NEK5: variants seen among roughly 807,000 people sequenced by gnomAD.
NEK5 encodes serine/threonine-protein kinase Nek5.
A neutral mutation model predicts 109.2 loss-of-function variants in NEK5; 88 were observed. The observed-to-expected ratio is 0.81, with a 90% CI of 0.68 to 0.96. NEK5 has a LOEUF of 0.96. NEK5 is among the 40% of genes least tolerant of loss of function. The pLI is 0.00. For missense variants in NEK5, 834 were observed against 920.7 expected, an observed-to-expected ratio of 0.91 and a Z score of 1.22; for synonymous variants, 283 against 299.9, an observed-to-expected ratio of 0.94 and a Z score of 0.58.
Position 52,050,168 on chromosome 13 carries a change from C to T in NEK5, c.2164G>A (p.Glu722Lys), listed in dbSNP as rs1374456193. 2.0e-6 allele frequency: 2 copies of T among 985,708 alleles called. No homozygotes were observed. Among genetic ancestry groups the T allele is most frequent in the African/African-American group, 3.5e-5 (2 of 57,246 alleles). The allele number at this position is 985,708 out of a possible 1,614,324, so 61.1% of individuals were successfully genotyped here. The change falls in exon 23 of 24, where the codon GAA becomes AAA. Residue 722 changes from glutamate (E) to lysine (K), a missense_variant. Physicochemically the swap from Glu to Lys is moderately conservative, Grantham distance 56. Around this residue, in one of 2 missense-constraint regions of NEK5, gnomAD observed 57 missense variants for 96.0 expected, o/e 0.59. Transcript: ENST00000684899. ...LPKEEDEGKV[E>K]MVSGIEVDEE... ...TCTACTTCAATGCCAGAGACCATTT[C>T]TACCTTCCCTTCATCTTCTTCTTTG...
intron 22 of NEK5, among the ~76,000 whole-genome samples, chr13:52,060,106 A>G (rs969196396): frequency 6.6e-6 from 1 of 152,102 alleles, no homozygotes; most frequent in African/African-American, 2.4e-5. Flanking sequence ...TATCTAGATC[A>G]TCTCCAAATA....
At chr13:52,043,018 A>G (rs1341825322) in intron 23 of NEK5, among the ~76,000 whole-genome samples, 1 of 152,116 alleles carries the variant, frequency 6.6e-6, no homozygotes, top group Non-Finnish European at 1.5e-5. Flanking sequence ...AACTACATGC[A>G]CTTTATAAGA....
intron 20 of NEK5, among the ~76,000 whole-genome samples, chr13:52,066,076 C>G (rs1411651085): frequency 6.6e-6 from 1 of 151,912 alleles, no homozygotes; most frequent in African/African-American, 2.4e-5. Flanking sequence ...TTTTTCCCTT[C>G]TGCATATGGT....
At chr13:52,095,927 C>A (rs76877881) in intron 12 of NEK5, among the ~76,000 whole-genome samples, 9 of 152,106 alleles carry the variant, frequency 5.9e-5, no homozygotes, top group Admixed American at 1.3e-4. Flanking sequence ...TGTTGGGAGA[C>A]GAGGCCTGGT....
intron 22 of NEK5, among the ~76,000 whole-genome samples, chr13:52,053,066 T>A (rs767067859): frequency 6.6e-6 from 1 of 152,096 alleles, no homozygotes; most frequent in Non-Finnish European, 1.5e-5. Context: ...TTTGGGAGGC[T>A]GAGGCAGGTG....
At position 52,076,081 on chromosome 13, in the gene NEK5, T is replaced by C. The variant is rs768917327; in HGVS notation, c.1635A>G (p.Glu545=). ...LQNTKESKNP[E]QKYKAKKGVK... is the part of the protein sequence containing the mutation. The stretch of plus-strand genomic sequence containing the variant: ...TTCTTACCTTAGCTTTATATTTCTG[T>C]TCTGGATTTTTACTTTCCTTTGTGT... Residue 545 remains glutamate, a synonymous_variant, in exon 18 of 24, where the codon GAA becomes GAG. Coordinates refer to ENST00000684899, the MANE Select transcript of NEK5 (RefSeq NM_001365552.1). The C allele has an allele frequency of 1.3e-6, 2 of 1,597,340 alleles. No homozygotes were observed. Among genetic ancestry groups the C allele is most frequent in the Non-Finnish European group, 1.7e-6 (2 of 1,168,120 alleles).
At position 52,083,281 on chromosome 13, in the gene NEK5, A is replaced by G. The variant is rs772498317; in HGVS notation, c.1551T>C (p.Ser517=). The change falls in exon 17 of 24, where the codon TCT becomes TCC. Residue 517 remains serine, a synonymous_variant. Transcript: ENST00000684899. ...KSNLPVHQDA[S]EGEAPVQDIE... is the part of the protein sequence containing the mutation. Reference sequence around the variant, plus strand: ...TTACCTGCACAGGTGCTTCTCCCTCAGATGCATCTTGATGGACAGGCAGGT... The same window carrying G: ...TTACCTGCACAGGTGCTTCTCCCTCGGATGCATCTTGATGGACAGGCAGGT... The G allele has an allele frequency of 8.1e-6, 13 of 1,610,176 alleles. No individual in the cohort carries two copies. The East Asian group carries it at 2.5e-4, about 30-fold the overall frequency.
intron 13 of NEK5, among the ~76,000 whole-genome samples, chr13:52,092,817 C>G (rs987965141): frequency 2.0e-5 from 3 of 152,118 alleles, no homozygotes; most frequent in African/African-American, 7.2e-5. Flanking sequence ...ACTCAGAAGG[C>G]AGAGGTTGCA....
chr13:52,108,272 C>G (rs765784056), intron 8 of NEK5, 46 bp downstream of exon 8: 2 of 1,023,104 alleles, frequency 2.0e-6, no homozygotes. Flanking sequence ...TCAGTGTCAT[C>G]CATCAGATTT....
Position 52,036,703 on chromosome 13 carries a change from T to G in NEK5, c.*245A>C, listed in dbSNP as rs1361787136. On this transcript the variant is annotated 3_prime_UTR_variant, in exon 24 of 24. Transcript: ENST00000684899. ...GACTGGTCTCAAACTCCTGACCTCATGATCTGCCTGCCTTGGCCTCCCAAA... is the reference window on the plus strand; with the variant it reads ...GACTGGTCTCAAACTCCTGACCTCAGGATCTGCCTGCCTTGGCCTCCCAAA... The G allele has an allele frequency of 2.0e-5, 3 of 152,722 alleles. No individual in the cohort carries two copies. Among genetic ancestry groups the G allele is most frequent in the Non-Finnish European group, 4.4e-5 (3 of 68,502 alleles). The allele number at this position is 152,722 out of a possible 1,614,324, so 9.5% of individuals were successfully genotyped here. A position where few individuals can be genotyped will look rare whatever the true frequency, so the allele number is the denominator to read the frequency against.
At chr13:52,063,730 G>A (rs530206966) in intron 21 of NEK5, among the ~76,000 whole-genome samples, 1,641 of 149,164 alleles carry the variant, frequency 0.011, 32 homozygotes, top group African/African-American at 0.038. Context: ...CCGCGACCCC[G>A]TCTGGGAGGT....
intron 13 of NEK5, among the ~76,000 whole-genome samples, chr13:52,091,904 C>T (rs1955291476): frequency 6.6e-6 from 1 of 151,950 alleles, no homozygotes; most frequent in African/African-American, 2.4e-5. Flanking sequence ...ACATAAATGC[C>T]GAATGAAATA....
chr13:52,099,618 C>T (rs889397766), intron 12 of NEK5, 125 bp downstream of exon 12: 45 of 973,112 alleles, frequency 4.6e-5, no homozygotes, highest in Non-Finnish European at 6.2e-5. Flanking sequence ...TGCGGTGAGC[C>T]GAGATCGCGC....
intron 19 of NEK5, among the ~76,000 whole-genome samples, chr13:52,075,267 T>C (rs930361205): frequency 1.3e-5 from 2 of 152,180 alleles, no homozygotes; most frequent in Non-Finnish European, 2.9e-5. Flanking sequence ...GTGGTACATA[T>C]ACACCATGGG....
chr13:52,073,970 T>C (rs1482768348), intron 19 of NEK5, among the ~76,000 whole-genome samples: 6 of 152,088 alleles, frequency 3.9e-5, no homozygotes, highest in Non-Finnish European at 7.4e-5. Context: ...CAGAAAGAAA[T>C]CATACATGAC....
At chr13:52,078,500 G>C (rs1328257928) in intron 17 of NEK5, among the ~76,000 whole-genome samples, 2 of 152,122 alleles carry the variant, frequency 1.3e-5, no homozygotes, top group East Asian at 1.9e-4. Flanking sequence ...TGATTGTGGT[G>C]ATGGGTTTCA....
At chr13:52,102,478 A>C (rs1179926190) in intron 9 of NEK5, among the ~76,000 whole-genome samples, 186 bp from the exon 10 acceptor site, 1 of 152,232 alleles carries the variant, frequency 6.6e-6, no homozygotes, top group Non-Finnish European at 1.5e-5. Context: ...ACTTGAGCCC[A>C]GGAGTTCAAG....
At chr13:52,103,413 A>G (rs1295370001) in intron 9 of NEK5, among the ~76,000 whole-genome samples, 1 of 152,236 alleles carries the variant, frequency 6.6e-6, no homozygotes, top group Non-Finnish European at 1.5e-5. Context: ...TCTGGGCAAC[A>G]GAGCGGGACT....
chr13:52,068,063 C>T (rs1295458006), intron 20 of NEK5, among the ~76,000 whole-genome samples: 1 of 152,020 alleles, frequency 6.6e-6, no homozygotes, highest in Non-Finnish European at 1.5e-5. Context: ...ACTAGGAGAA[C>T]AGGGTGGAGC....
Sources: allele counts gnomAD v4.1 joint callset (sites outside exome capture counted in the v4.1 genomes callset), GRCh38; gene constraint gnomAD v4.1.1; regional missense constraint gnomAD v4.1.1; transcripts MANE v1.5; gene names NCBI Gene and HGNC (gene_info 2026-07-23, HGNC 2026-07-21).